The following OR9Q1 variants were observed in gnomAD, a reference collection of about 807,000 sequenced individuals.
The protein encoded by OR9Q1 is olfactory receptor 9Q1.
For missense variants in OR9Q1, 374 were observed against 378.8 expected, an observed-to-expected ratio of 0.99 and a Z score of 0.11; for synonymous variants, 153 against 148.6, an observed-to-expected ratio of 1.03 and a Z score of -0.22.
intron 1 of OR9Q1, chr11:58,031,172 T>G (rs1319546692): frequency 6.2e-7 from 1 of 1,614,196 alleles, no homozygotes. Context: ...CCTTGAAATC[T>G]GGTACACTTC....
intron 2 of OR9Q1, among the ~76,000 whole-genome samples, chr11:58,166,551 A>G (rs1590624148): frequency 2.6e-5 from 4 of 152,274 alleles, no homozygotes; most frequent in South Asian, 4.1e-4. Context: ...ATTTTTTCCA[A>G]TAACAAACAA....
chr11:58,170,157 G>A (rs1411479095), intron 2 of OR9Q1, among the ~76,000 whole-genome samples: 1 of 152,094 alleles, frequency 6.6e-6, no homozygotes, highest in Non-Finnish European at 1.5e-5. Context: ...TGAGGCATAA[G>A]TATCCCTTTT....
chr11:58,118,367 C>T (rs1262810765), intron 2 of OR9Q1: 4 of 629,614 alleles, frequency 6.4e-6, no homozygotes, highest in East Asian at 5.2e-5. Context: ...TGTAGTTTTT[C>T]CTGTGTGCCT....
intron 1 of OR9Q1, among the ~76,000 whole-genome samples, chr11:58,048,679 A>AAATATATATATAT (rs745596668): frequency 0.017 from 2,177 of 130,848 alleles, 30 homozygotes; most frequent in East Asian, 0.023. Context: ...TAAAAAAAAA[A>AAATATATATATAT]ATATATATAT....
intron 2 of OR9Q1, chr11:58,060,085 T>G (rs1853365928): frequency 6.6e-6 from 1 of 152,284 alleles, no homozygotes; most frequent in Non-Finnish European, 1.5e-5. Flanking sequence ...AGGTATTCAT[T>G]TCTCCCTGCT....
At chr11:58,143,771 A>G (rs1469528350) in intron 2 of OR9Q1, among the ~76,000 whole-genome samples, 2 of 152,092 alleles carry the variant, frequency 1.3e-5, no homozygotes, top group African/African-American at 2.4e-5. Context: ...TACCTAGGTG[A>G]TGGGTTGATA....
At chr11:58,159,623 T>C (rs1034728093) in intron 2 of OR9Q1, among the ~76,000 whole-genome samples, 10 of 152,188 alleles carry the variant, frequency 6.6e-5, no homozygotes, top group African/African-American at 2.4e-4. Context: ...AAGAATATTT[T>C]GGCTTTGTGT....
rs571722627 is a variant in OR9Q1, at chr11:58,024,689, A to G, written c.-93+585A>G. 1.3e-3 allele frequency among the ~76,000 whole-genome samples: 202 copies of G among 152,108 alleles called. 2 individuals are homozygous for G. The highest frequency in any genetic ancestry group is 4.3e-3 in the African/African-American group (178 of 41,490). On this transcript the variant is annotated intron_variant, in intron 1 of 2. Coordinates refer to ENST00000335397, the MANE Select transcript of OR9Q1 (RefSeq NM_001005212.4). ...CGTGTGACCCTCTCCTCTCTGGCTG[A>G]CCTCTTTTTTCCTGCATGGCACTTG...
chr11:58,035,363 C>A (rs554973169), intron 1 of OR9Q1, among the ~76,000 whole-genome samples: 30 of 152,304 alleles, frequency 2.0e-4, no homozygotes, highest in African/African-American at 7.0e-4. Context: ...TGCACTTAAT[C>A]ATTTTTTGTA....
intron 2 of OR9Q1, among the ~76,000 whole-genome samples, chr11:58,164,299 A>T (rs1459277073): frequency 2.0e-5 from 3 of 152,112 alleles, no homozygotes; most frequent in Non-Finnish European, 4.4e-5. Flanking sequence ...AGAAAAACGG[A>T]TGATGATATG....
chr11:58,030,517 C>T (rs1853021100), intron 1 of OR9Q1, among the ~76,000 whole-genome samples: 2 of 152,208 alleles, frequency 1.3e-5, no homozygotes, highest in Non-Finnish European at 2.9e-5. Context: ...AGCTCTTGAA[C>T]TCCATGGTAA....
At position 58,176,933 on chromosome 11, in the gene OR9Q1, A is replaced by G. The variant is rs1044152703; in HGVS notation, c.-14-2498A>G. On this transcript the variant is annotated intron_variant, in intron 2 of 2. Transcript: ENST00000335397. ...GACCTTTTAGACATTAAGGAAAAAT[A>G]GTGGACAAAGAGAGAAGAGGACCTG... Among the ~76,000 whole-genome samples the G allele has an allele frequency of 2.0e-5, 3 of 152,202 alleles. No individual in the cohort carries two copies. The East Asian group carries it at 5.8e-4, about 29-fold the overall frequency.
intron 1 of OR9Q1, among the ~76,000 whole-genome samples, chr11:58,030,132 G>A (rs1053319682): frequency 3.3e-5 from 5 of 152,062 alleles, no homozygotes; most frequent in Non-Finnish European, 4.4e-5. Flanking sequence ...ATGAGCCACC[G>A]GGCCCGGCCT....
chr11:58,031,597 T>C, intron 1 of OR9Q1: 1 of 1,614,004 alleles, frequency 6.2e-7, no homozygotes, highest in Non-Finnish European at 8.5e-7. Flanking sequence ...TGGCCTCCTC[T>C]ATGGTCATTG....
chr11:58,124,172 G>T (rs2120147551), intron 2 of OR9Q1, among the ~76,000 whole-genome samples: 1 of 152,256 alleles, frequency 6.6e-6, no homozygotes, highest in South Asian at 2.1e-4. Flanking sequence ...GGTACCATCA[G>T]CTTGGGTGAG....
At chr11:58,148,652 G>T (rs773503752) in intron 2 of OR9Q1, among the ~76,000 whole-genome samples, 8 of 152,140 alleles carry the variant, frequency 5.3e-5, no homozygotes, top group African/African-American at 1.9e-4. Context: ...TTGGTTTGAA[G>T]GTTTTTCCTG....
At chr11:58,082,535 G>T (rs1252406404) in intron 2 of OR9Q1, among the ~76,000 whole-genome samples, 2 of 132,500 alleles carry the variant, frequency 1.5e-5, no homozygotes, top group Admixed American at 1.8e-4. Context: ...TCACAGATGG[G>T]AATTGAACAA....
At chr11:58,170,256 T>C (rs1478578735) in intron 2 of OR9Q1, among the ~76,000 whole-genome samples, 1 of 152,094 alleles carries the variant, frequency 6.6e-6, no homozygotes, top group Non-Finnish European at 1.5e-5. Flanking sequence ...ATTGACTCCT[T>C]CTTAAGGATC....
chr11:58,142,528 C>T (rs1229208151), intron 2 of OR9Q1, among the ~76,000 whole-genome samples: 2 of 152,100 alleles, frequency 1.3e-5, no homozygotes, highest in Non-Finnish European at 2.9e-5. Context: ...AAAACTCCCC[C>T]CAGTTGCTGA....
Sources: gnomAD v4.1 joint callset for allele counts (sites outside exome capture counted in the v4.1 genomes callset) on GRCh38, gnomAD v4.1.1 for gene constraint, MANE v1.5 for transcripts, NCBI Gene and HGNC (gene_info 2026-07-23, HGNC 2026-07-21) for gene names.